ZNF91: variants seen among roughly 807,000 people sequenced by gnomAD.
The protein encoded by ZNF91 is zinc finger protein 91.
Under a neutral mutation model 12.6 loss-of-function variants are expected in ZNF91, and 7 were observed. The observed-to-expected ratio is 0.55, with a 90% confidence interval of 0.31 to 1.04. The LOEUF is 1.04. Ranked by LOEUF, ZNF91 falls within the 50% of genes least tolerant of loss-of-function variation. The pLI is 0.05. For synonymous variants in ZNF91, 453 were observed against 462.6 expected (o/e 0.98, Z 0.27); for missense variants, 1,217 against 1,385.4 (o/e 0.88, Z 1.93).
chr19:23,384,292 C>T lies in ZNF91; in HGVS notation c.31-9528G>A, dbSNP rs769328452. ...ACAGCCCTCCGCGCCCAACCAATCC[C>T]GGGCTGCAAGGGACCTGGGGAGCTG... On this transcript the variant is annotated intron_variant, in intron 1 of 3. Transcript: ENST00000300619. 1.1e-4 allele frequency among the ~76,000 whole-genome samples: 17 copies of T among 152,016 alleles called. 1 individual carries two copies. Among genetic ancestry groups the T allele is most frequent in the Admixed American group, 3.9e-4 (6 of 15,266 alleles).
downstream of ZNF91, among the ~76,000 whole-genome samples, chr19:23,352,821 C>T (rs547922589): frequency 6.6e-6 from 1 of 152,220 alleles, no homozygotes; most frequent in East Asian, 1.9e-4. Context: ...TTATACCAGA[C>T]AAAACCAACT....
At chr19:23,342,317 C>A in intron 3 of ZNF91, 1 of 400,700 alleles carries the variant, frequency 2.5e-6, no homozygotes, top group Non-Finnish European at 4.5e-6. Flanking sequence ...CAGTTACCAA[C>A]CTAGTACTAT....
At chr19:23,314,120 T>C (rs1302424464), upstream of ZNF91, among the ~76,000 whole-genome samples, 2 of 152,196 alleles carry the variant, frequency 1.3e-5, no homozygotes, top group Non-Finnish European at 2.9e-5. Context: ...ATGTTTTTTA[T>C]TCTTTTGTCT....
intron 1 of ZNF91, among the ~76,000 whole-genome samples, chr19:23,322,787 T>C (rs1967730364): frequency 9.7e-6 from 1 of 102,662 alleles, no homozygotes; most frequent in Non-Finnish European, 2.0e-5. Context: ...CTCTTCTTCC[T>C]CACCTCCTCC....
downstream of ZNF91, among the ~76,000 whole-genome samples, chr19:23,353,693 T>C (rs146645830): frequency 6.0e-3 from 910 of 152,236 alleles, 3 homozygotes; most frequent in Non-Finnish European, 0.01. Flanking sequence ...ATAAAACTGA[T>C]AGACCATTAG....
Position 23,362,350 on chromosome 19 carries a change from C to T in ZNF91, c.629G>A (p.Cys210Tyr), listed in dbSNP as rs1239013391. 2 of 1,613,206 alleles carry T rather than the reference C, an allele frequency of 1.2e-6. No homozygotes were observed. The highest frequency in any genetic ancestry group is 1.3e-5 in the African/African-American group (1 of 74,838). The change falls in exon 4 of 4, where the codon TGT becomes TAT. Residue 210 changes from cysteine to tyrosine, a missense_variant. Cys to Tyr is a radical substitution (Grantham distance 194, BLOSUM62 -2). This residue lies in a region of ZNF91 where 726 missense variants were observed against 895.5 expected (regional missense o/e 0.81). Transcript: ENST00000300619. ...HKCVYITEKS[C>Y]KCKECEKTFH... ...GGTTTTTTCACATTCTTTACATTTA[C>T]AGGACTTCTCTGTAATATAAACGCA...
rs573638705 is a variant in ZNF91 at position 23,390,297 on chromosome 19, T to C, written c.30+5028A>G. On this transcript the variant is annotated intron_variant, in intron 1 of 3. Transcript: ENST00000300619. ...TGCCATTACACTCCAGCCTGGGCAATTAGAGTAAAACTCCGTCTCAGAAAA... is the reference window on the plus strand; with the variant it reads ...TGCCATTACACTCCAGCCTGGGCAACTAGAGTAAAACTCCGTCTCAGAAAA... 4.9e-4 allele frequency among the ~76,000 whole-genome samples: 74 copies of C among 152,078 alleles called. 1 individual carries two copies. The highest frequency in any genetic ancestry group is 7.5e-4 in the Non-Finnish European group (51 of 67,988).
intron 3 of ZNF91, among the ~76,000 whole-genome samples, chr19:23,344,220 G>A (rs974525285): frequency 2.0e-5 from 3 of 151,916 alleles, no homozygotes; most frequent in South Asian, 2.1e-4. Context: ...TCAGCCTCCC[G>A]AGTAGCTGGG....
At chr19:23,310,697 T>C (rs1967456647), upstream of ZNF91, 1 of 152,088 alleles carries the variant, frequency 6.6e-6, no homozygotes, top group African/African-American at 2.4e-5. Context: ...CTGAACCCAG[T>C]AGCTAGGTGA....
At chr19:23,379,746 GCTAT>G (rs1200491009) in intron 1 of ZNF91, among the ~76,000 whole-genome samples, 7 of 152,414 alleles carry the variant, frequency 4.6e-5, no homozygotes, top group South Asian at 2.1e-4. Context: ...TGAATAGGGT[GCTAT>G]CTTTTTGGCT....
downstream of ZNF91, chr19:23,338,090 T>C (rs1171060507): frequency 1.3e-5 from 2 of 152,164 alleles, no homozygotes; most frequent in African/African-American, 2.4e-5. Context: ...AAGAAAACAA[T>C]TGATGAAAAC....
At chr19:23,384,967 C>A (rs778358356) in intron 1 of ZNF91, 1 of 969,160 alleles carries the variant, frequency 1.0e-6, no homozygotes, top group Non-Finnish European at 1.7e-6. Flanking sequence ...TAGCTGCGAG[C>A]CCGTCATGGA....
At chr19:23,385,027 C>A in intron 1 of ZNF91, 1 of 1,222,810 alleles carries the variant, frequency 8.2e-7, no homozygotes, top group Non-Finnish European at 1.2e-6. Flanking sequence ...GACAGTCCAC[C>A]AGGGAGACAC....
chr19:23,330,125 G>C (rs923860729), intron 1 of ZNF91, among the ~76,000 whole-genome samples: 4 of 152,178 alleles, frequency 2.6e-5, no homozygotes, highest in African/African-American at 9.7e-5. Context: ...GATGTCAGGA[G>C]TTCGAGACCA....
intron 1 of ZNF91, among the ~76,000 whole-genome samples, chr19:23,331,620 G>A (rs2145871153): frequency 6.6e-6 from 1 of 152,270 alleles, no homozygotes; most frequent in East Asian, 1.9e-4. Flanking sequence ...CATGGATTTG[G>A]CTTTTTTTAA....
At chr19:23,323,684 ACTTCTC>A (rs1599688974) in intron 1 of ZNF91, among the ~76,000 whole-genome samples, 10 of 80,192 alleles carry the variant, frequency 1.2e-4, no homozygotes, top group East Asian at 8.2e-4. Flanking sequence ...CTCCTCCTCT[ACTTCTC>A]CTTCTTTATC....
At chr19:23,367,053 G>C (rs564419088) in intron 3 of ZNF91, among the ~76,000 whole-genome samples, 180 of 152,342 alleles carry the variant, frequency 1.2e-3, no homozygotes, top group African/African-American at 3.8e-3. Flanking sequence ...AACACATAGA[G>C]AGACCAAGGT....
chr19:23,327,739 T>C (rs1825732772), intron 1 of ZNF91: 1 of 152,172 alleles, frequency 6.6e-6, no homozygotes, highest in South Asian at 2.1e-4. Flanking sequence ...GTTTTAATTG[T>C]TTGTTAAGTG....
chr19:23,359,132 T>A lies in ZNF91; in HGVS notation c.*271A>T, dbSNP rs542787413. 1 of 549,398 alleles carries A rather than the reference T, an allele frequency of 1.8e-6. No homozygotes were observed. Among genetic ancestry groups the A allele is most frequent in the East Asian group, 4.3e-5 (1 of 23,458 alleles). The allele number at this position is 549,398 out of a possible 1,614,324, so 34.0% of individuals were successfully genotyped here. On this transcript the variant is annotated 3_prime_UTR_variant, in exon 4 of 4. Coordinates refer to ENST00000300619, the MANE Select transcript of ZNF91 (RefSeq NM_003430.4). ...TCACATTTGTAGAGTTTTACTCCAG[T>A]ATGAATTACCTTATGTTTAGTAAAG...
Sources: gnomAD v4.1 joint callset for allele counts (sites outside exome capture counted in the v4.1 genomes callset) on GRCh38, gnomAD v4.1.1 for gene constraint, gnomAD v4.1.1 regional missense constraint, MANE v1.5 for transcripts, NCBI Gene and HGNC (gene_info 2026-07-23, HGNC 2026-07-21) for gene names.